The following DENND1C variants were observed in gnomAD, a reference collection of about 807,000 sequenced individuals.
DENND1C encodes DENN domain-containing protein 1C.
Under a neutral mutation model 87.9 loss-of-function variants are expected in DENND1C, and 64 were observed. The ratio of observed to expected loss-of-function variants is 0.73; its 90% CI spans 0.60 to 0.90. DENND1C has a LOEUF of 0.90. Among genes scored for constraint, DENND1C ranks in the 40% least tolerant of loss-of-function variants. The pLI is 0.00. For synonymous variants in DENND1C, 384 were observed against 424.4 expected, an observed-to-expected ratio of 0.90 and a Z score of 1.17; for missense variants, 980 against 1,037.0, an observed-to-expected ratio of 0.95 and a Z score of 0.76.
intron 14 of DENND1C, among the ~76,000 whole-genome samples, chr19:6,473,236 C>T (rs1316813208): frequency 6.6e-6 from 1 of 152,164 alleles, no homozygotes; most frequent in Non-Finnish European, 1.5e-5. Flanking sequence ...CTCACTGCAA[C>T]CTCTGCCTCC....
chr19:6,478,004 T>A (rs2092873229), intron 6 of DENND1C, among the ~76,000 whole-genome samples: 2 of 151,496 alleles, frequency 1.3e-5, no homozygotes, highest in South Asian at 4.2e-4. Context: ...GAACCCGGAA[T>A]GCGGAGGTTG....
intron 18 of DENND1C, 31 bp from the exon 19 acceptor site, chr19:6,469,671 G>T: frequency 6.3e-7 from 1 of 1,591,096 alleles, no homozygotes; most frequent in East Asian, 2.3e-5. Context: ...AATTACCCAA[G>T]GGTGGTGGGA....
At chr19:6,470,181 T>C in intron 18 of DENND1C, 114 bp downstream of exon 18, 1 of 1,001,070 alleles carries the variant, frequency 1.0e-6, no homozygotes, top group Non-Finnish European at 1.5e-6. Flanking sequence ...TTAAATCATT[T>C]GTGTTTAAAG....
intron 19 of DENND1C, 57 bp downstream of exon 19, chr19:6,469,539 C>T: frequency 6.5e-7 from 1 of 1,545,174 alleles, no homozygotes; most frequent in Non-Finnish European, 8.8e-7. Context: ...CTGCCTCGGC[C>T]TCCCAAAGTG....
In DENND1C at chr19:6,468,931, C is replaced by G. The variant is rs772591704; in HGVS notation, c.1430G>C (p.Arg477Thr). 4.8e-6 allele frequency: 7 copies of G among 1,454,694 alleles called. No individual in the cohort carries two copies. The highest frequency in any genetic ancestry group is 6.3e-6 in the Non-Finnish European group (7 of 1,106,584). The allele number at this position is 1,454,694 out of a possible 1,614,324, so 90.1% of individuals were successfully genotyped here. A position where few individuals can be genotyped will look rare whatever the true frequency, so the allele number is the denominator to read the frequency against. Residue 477 changes from arginine to threonine, a missense_variant, in exon 20 of 23, where the codon AGG becomes ACG. Coordinates refer to ENST00000381480, the MANE Select transcript of DENND1C (RefSeq NM_024898.4). The part of the protein sequence containing the change: ...MYKDGDSVLQ[R>T]GGSLRAPALP... Reference sequence around the variant, plus strand: ...GGCTGGGGCCCTCAGAGAGCCCCCCCTCTGCAGGACAGAGTCCCCATCCTA... The same window carrying G: ...GGCTGGGGCCCTCAGAGAGCCCCCCGTCTGCAGGACAGAGTCCCCATCCTA...
chr19:6,475,648 G>A, intron 12 of DENND1C, 58 bp downstream of exon 12: 1 of 1,612,828 alleles, frequency 6.2e-7, no homozygotes, highest in Non-Finnish European at 8.5e-7. Context: ...GGGCATCTGG[G>A]GATGTAGAGG....
rs1439208927 is a variant in DENND1C at position 6,469,620 on chromosome 19, C to G, written c.1383G>C (p.Gly461=). Reference sequence around the variant, plus strand: ...CCTTATACATTAGAAGGCTCTGCACCCCCTTCAAGCCACTCTTGGCCTATA... The same window carrying G: ...CCTTATACATTAGAAGGCTCTGCACGCCCTTCAAGCCACTCTTGGCCTATA... ...MYRSAKSGLK[G]VQSLLMYKDG... Residue 461 remains glycine (G), a synonymous_variant, in exon 19 of 23, where the codon GGG becomes GGC. Coordinates refer to ENST00000381480, the MANE Select transcript of DENND1C (RefSeq NM_024898.4). The G allele has an allele frequency of 6.2e-7, 1 of 1,606,686 alleles. No individual in the cohort carries two copies. Among genetic ancestry groups the G allele is most frequent in the Admixed American group, 1.7e-5 (1 of 59,098 alleles).
chr19:6,476,630 G>C (rs1212853488), intron 10 of DENND1C: 1 of 540,512 alleles, frequency 1.9e-6, no homozygotes, highest in South Asian at 2.3e-5. Flanking sequence ...CCCATAGTGG[G>C]TGGAGCCTGA....
chr19:6,468,073 G>T lies in DENND1C; in HGVS notation c.1837C>A (p.Pro613Thr). Residue 613 changes from proline to threonine, a missense_variant, in exon 23 of 23, where the codon CCG becomes ACG. Transcript: ENST00000381480. Reference protein sequence around the residue: ...WQPDDKKLPEPEPQPLSLPSL... With the variant: ...WQPDDKKLPETEPQPLSLPSL... The stretch of plus-strand genomic sequence containing the variant: ...GGCAGGGAAAGGGGCTGGGGCTCCG[G>T]CTCTGGTAGTTTCTTATCGTCTGGT... 1 of 1,613,810 alleles carries T rather than the reference G, an allele frequency of 6.2e-7. No individual in the cohort carries two copies. Among genetic ancestry groups the T allele is most frequent in the Non-Finnish European group, 8.5e-7 (1 of 1,179,822 alleles).
chr19:6,481,621 G>T, intron 1 of DENND1C, 58 bp downstream of exon 1: 2 of 1,609,580 alleles, frequency 1.2e-6, no homozygotes, highest in Non-Finnish European at 1.7e-6. Context: ...CCTCTGCCCC[G>T]GCTCAGGCCT....
At chr19:6,480,373 A>C (rs1015332280) in intron 1 of DENND1C, 1 of 1,293,088 alleles carries the variant, frequency 7.7e-7, no homozygotes, top group African/African-American at 1.5e-5. Flanking sequence ...TGAAAAGATG[A>C]GACTGTCTCC....
At position 6,475,604 on chromosome 19, in the gene DENND1C, G is replaced by A. The variant is rs1281119214; in HGVS notation, c.826-19C>T. 3 of 1,613,926 alleles carry A rather than the reference G, an allele frequency of 1.9e-6. No homozygotes were observed. The highest frequency in any genetic ancestry group is 1.1e-5 in the South Asian group (1 of 91,076). ...GTACTCTCTGCGGAAAAGCGGGGTC[G>A]GCCGCTCAGAGCCCGGGAGTCCTTG... On this transcript the variant is annotated intron_variant, in intron 12 of 22. Transcript: ENST00000381480.
rs537432588 is a variant in DENND1C at position 6,471,504 on chromosome 19, G to C, written c.1159-8C>G. The C allele has an allele frequency of 9.1e-6, 14 of 1,542,102 alleles. No homozygotes were observed. The South Asian group carries it at 1.2e-4, about 13-fold the overall frequency. ...CAGCCGGGCTTCGATGAACTGGGGT[G>C]GGGGACAGTAAATCAGAAACAGCAG... On this transcript the variant is annotated splice_region_variant and splice_polypyrimidine_tract_variant and intron_variant, in intron 15 of 22. Transcript: ENST00000381480.
rs779007222 is a variant in DENND1C at position 6,475,880 on chromosome 19, C to T, written c.736G>A (p.Val246Met). 2 of 1,562,128 alleles carry T rather than the reference C, an allele frequency of 1.3e-6. No homozygotes were observed. The highest frequency in any genetic ancestry group is 1.7e-6 in the Non-Finnish European group (2 of 1,162,014). The change falls in exon 11 of 23, where the codon GTG (valine) becomes ATG (methionine). Residue 246 changes from valine to methionine, a missense_variant. By Grantham distance (21) the Val-to-Met change is conservative. Coordinates refer to ENST00000381480, the MANE Select transcript of DENND1C (RefSeq NM_024898.4). ...TGTGGGGGCAGCGTGGGGATCAGCA[C>T]GTGCTCCCAGCGCATGGGGTACAGG... ...ALLYPMRWEH[V>M]LIPTLPPHLL...
intron 10 of DENND1C, chr19:6,476,314 A>C: frequency 4.8e-6 from 1 of 208,282 alleles, no homozygotes; most frequent in Non-Finnish European, 9.5e-6. Context: ...CCAAGACGTA[A>C]CCCCACCCAA....
intron 10 of DENND1C, 165 bp downstream of exon 10, chr19:6,476,692 G>T: frequency 1.5e-6 from 1 of 678,344 alleles, no homozygotes; most frequent in Non-Finnish European, 2.4e-6. Context: ...TCCCACGAGG[G>T]CGGGGCCAGA....
chr19:6,481,297 G>A (rs999554837), intron 1 of DENND1C, among the ~76,000 whole-genome samples: 8 of 151,912 alleles, frequency 5.3e-5, no homozygotes, highest in Middle Eastern at 6.8e-3. Context: ...CCCTCACGCC[G>A]ACACAAGTCA....
At chr19:6,473,456 GTT>G (rs1206263146) in intron 14 of DENND1C, among the ~76,000 whole-genome samples, 19 of 77,846 alleles carry the variant, frequency 2.4e-4, no homozygotes, top group African/African-American at 7.1e-4. Context: ...CCCAGCCCTG[GTT>G]TTTTTTTTTT....
intron 1 of DENND1C, 73 bp downstream of exon 1, chr19:6,481,606 G>C (rs1913571333): frequency 6.2e-7 from 1 of 1,601,632 alleles, no homozygotes; most frequent in South Asian, 1.1e-5. Context: ...TCCAGCCCCA[G>C]CTCCCCTCTG....
Sources: gnomAD v4.1 joint callset for allele counts (sites outside exome capture counted in the v4.1 genomes callset) on GRCh38, gnomAD v4.1.1 for gene constraint, MANE v1.5 for transcripts, NCBI Gene and HGNC (gene_info 2026-07-23, HGNC 2026-07-21) for gene names.